Variants in VSTM2L observed in about 807,000 individuals in gnomAD.
The protein encoded by VSTM2L is V-set and transmembrane domain-containing protein 2-like protein.
In VSTM2L, 9 loss-of-function variants were observed where a neutral mutation model predicts 19.9. The ratio of observed to expected loss-of-function variants is 0.45; its 90% confidence interval spans 0.27 to 0.79. The LOEUF is 0.79. VSTM2L is among the 30% of genes least tolerant of loss of function. The pLI, the probability that VSTM2L is intolerant of heterozygous loss-of-function variation, is 0.15. For missense variants in VSTM2L, 286 were observed against 295.5 expected (o/e 0.97, Z 0.24); for synonymous variants, 127 against 133.8 (o/e 0.95, Z 0.35).
At chr20:37,908,248 T>C (rs912488858) in intron 1 of VSTM2L, among the ~76,000 whole-genome samples, 4 of 152,130 alleles carry the variant, frequency 2.6e-5, no homozygotes, top group African/African-American at 9.7e-5. Flanking sequence ...CTCCTTGCCA[T>C]GGTGACAGCA....
At chr20:37,919,466 C>T (rs2072838534) in intron 1 of VSTM2L, among the ~76,000 whole-genome samples, 1 of 152,244 alleles carries the variant, frequency 6.6e-6, no homozygotes, top group African/African-American at 2.4e-5. Flanking sequence ...GCTTTTCCAT[C>T]CTGATTATCT....
intron 3 of VSTM2L, among the ~76,000 whole-genome samples, chr20:37,941,906 T>C (rs1355953026): frequency 2.0e-5 from 3 of 151,776 alleles, no homozygotes; most frequent in African/African-American, 7.3e-5. Flanking sequence ...TTTTTTTTTT[T>C]TTTTAATCTT....
In VSTM2L at chr20:37,920,213, C is replaced by T. The variant is rs76286885; in HGVS notation, c.122-11422C>T. On this transcript the variant is annotated intron_variant, in intron 1 of 3. Coordinates refer to ENST00000373461, the MANE Select transcript of VSTM2L (RefSeq NM_080607.3). The stretch of plus-strand genomic sequence containing the variant: ...TGGGTTTGAATCCCAGCTCCTGCTC[C>T]TGACTTGCAGTGTGACCTTGTGACA... Among the ~76,000 whole-genome samples the T allele has an allele frequency of 9.4e-3, 1,434 of 152,346 alleles. 17 individuals are homozygous for T. Among genetic ancestry groups the T allele is most frequent in the African/African-American group, 0.031 (1,272 of 41,574 alleles).
intron 3 of VSTM2L, among the ~76,000 whole-genome samples, chr20:37,939,119 G>C (rs1281482023): frequency 6.6e-6 from 1 of 152,154 alleles, no homozygotes; most frequent in East Asian, 1.9e-4. Context: ...GAGTGATGAA[G>C]CTTGGCTGGG....
intron 1 of VSTM2L, among the ~76,000 whole-genome samples, chr20:37,927,739 G>A (rs2072886594): frequency 6.6e-6 from 1 of 152,174 alleles, no homozygotes; most frequent in African/African-American, 2.4e-5. Context: ...AGACTGAGTG[G>A]GGATGAATTG....
At chr20:37,927,100 G>A (rs1400452419) in intron 1 of VSTM2L, among the ~76,000 whole-genome samples, 1 of 152,142 alleles carries the variant, frequency 6.6e-6, no homozygotes, top group Non-Finnish European at 1.5e-5. Flanking sequence ...AAGTAGCTGG[G>A]ACTACAGGCA....
chr20:37,940,008 T>C (rs1223537300), intron 3 of VSTM2L, among the ~76,000 whole-genome samples: 3 of 152,056 alleles, frequency 2.0e-5, no homozygotes, highest in Non-Finnish European at 2.9e-5. Flanking sequence ...CGTGGCCCCA[T>C]CTAGGGGATG....
intron 3 of VSTM2L, among the ~76,000 whole-genome samples, chr20:37,933,989 G>C (rs541195848): frequency 1.3e-5 from 2 of 152,226 alleles, no homozygotes; most frequent in African/African-American, 4.8e-5. Context: ...CCCCGGGGAC[G>C]GGGTGGGGGC....
In VSTM2L at chr20:37,931,645, A is replaced by G. The variant is rs770133496; in HGVS notation, c.132A>G (p.Thr44=). The stretch of plus-strand genomic sequence containing the variant: ...CTGTTTCTTGCACAGCCCTGTTCAC[A>G]GAGACACCCCATGACATGACAGCAC... ...DNHVSGHALF[T]ETPHDMTART... The change falls in exon 2 of 4, where the codon ACA becomes ACG. Residue 44 remains threonine, a synonymous_variant. Coordinates refer to ENST00000373461, the MANE Select transcript of VSTM2L (RefSeq NM_080607.3). The G allele has an allele frequency of 2.2e-5, 35 of 1,612,590 alleles. No individual in the cohort carries two copies. The highest frequency in any genetic ancestry group is 3.0e-5 in the Non-Finnish European group (35 of 1,179,842).
At chr20:37,908,446 A>G (rs1156425623) in intron 1 of VSTM2L, among the ~76,000 whole-genome samples, 2 of 152,230 alleles carry the variant, frequency 1.3e-5, no homozygotes, top group Admixed American at 1.3e-4. Flanking sequence ...CCCAGGGGCA[A>G]GGGAGAATTT....
intron 1 of VSTM2L, among the ~76,000 whole-genome samples, chr20:37,921,197 A>G (rs113063710): frequency 0.014 from 2,068 of 152,264 alleles, 41 homozygotes; most frequent in African/African-American, 0.045. Flanking sequence ...GAGGAGGGAG[A>G]GTACCTTTAG....
At chr20:37,935,844 A>G (rs1486129650) in intron 3 of VSTM2L, among the ~76,000 whole-genome samples, 2 of 151,622 alleles carry the variant, frequency 1.3e-5, no homozygotes, top group Non-Finnish European at 2.9e-5. Context: ...ACACACACAG[A>G]CATACGCCCA....
chr20:37,908,291 A>G (rs2072761621), intron 1 of VSTM2L, among the ~76,000 whole-genome samples: 2 of 152,216 alleles, frequency 1.3e-5, no homozygotes, highest in South Asian at 4.1e-4. Context: ...GCGGCAAACA[A>G]GTGGGCAGGG....
rs1221333782 is a variant in VSTM2L at position 37,920,379 on chromosome 20, C to T, written c.122-11256C>T. 1.1e-4 allele frequency among the ~76,000 whole-genome samples: 17 copies of T among 152,236 alleles called. No homozygotes were observed. In the East Asian group the frequency reaches 1.3e-3, roughly 12 times the overall value. Reference sequence around the variant, plus strand: ...GGCTCCAATCAGAAAGATGATGCCACGGGGCTGCTGGGCTGGCCCGTAGCC... The same window carrying T: ...GGCTCCAATCAGAAAGATGATGCCATGGGGCTGCTGGGCTGGCCCGTAGCC... On this transcript the variant is annotated intron_variant, in intron 1 of 3. Coordinates refer to ENST00000373461, the MANE Select transcript of VSTM2L (RefSeq NM_080607.3).
chr20:37,934,701 T>C (rs2072929717), intron 3 of VSTM2L, among the ~76,000 whole-genome samples: 1 of 152,000 alleles, frequency 6.6e-6, no homozygotes, highest in Non-Finnish European at 1.5e-5. Flanking sequence ...GAGGTCACCA[T>C]GTGGAGAATG....
At chr20:37,922,807 C>G (rs577327438) in intron 1 of VSTM2L, among the ~76,000 whole-genome samples, 1 of 152,256 alleles carries the variant, frequency 6.6e-6, no homozygotes, top group Admixed American at 6.5e-5. Context: ...CTGTGGCTTG[C>G]CTGAGTCCCA....
At chr20:37,926,519 G>A (rs1301110206) in intron 1 of VSTM2L, among the ~76,000 whole-genome samples, 2 of 152,146 alleles carry the variant, frequency 1.3e-5, no homozygotes, top group East Asian at 3.9e-4. Context: ...CTAGCCTGGC[G>A]AAAGAGCAAG....
Position 37,903,395 on chromosome 20 carries a change from G to C in VSTM2L, c.45G>C (p.Leu15=). The stretch of plus-strand genomic sequence containing the variant: ...TAGCGCTGGGCGCCCTCCACTACCT[G>C]GCACTTTTCCTGCAACTCGGCGGCG... ...LAVALGALHY[L]ALFLQLGGAT... is the part of the protein sequence containing the mutation. The change falls in exon 1 of 4, where the codon CTG becomes CTC. Residue 15 remains leucine, a synonymous_variant. Transcript: ENST00000373461. 6.7e-7 allele frequency: 1 copy of C among 1,490,796 alleles called. No homozygotes were observed. Among genetic ancestry groups the C allele is most frequent in the Non-Finnish European group, 8.9e-7 (1 of 1,126,602 alleles). 92.3% of individuals were successfully genotyped at this position (1,490,796 alleles called of 1,614,324 possible). A position where few individuals can be genotyped will look rare whatever the true frequency, so the allele number is the denominator to read the frequency against.
chr20:37,940,067 G>A (rs933280096), intron 3 of VSTM2L, among the ~76,000 whole-genome samples: 1 of 151,418 alleles, frequency 6.6e-6, no homozygotes, highest in Non-Finnish European at 1.5e-5. Flanking sequence ...CCCTCCCTAG[G>A]AGCGAGTGCT....
Sources: gnomAD v4.1 joint callset for allele counts (sites outside exome capture counted in the v4.1 genomes callset) on GRCh38, gnomAD v4.1.1 for gene constraint, MANE v1.5 for transcripts, NCBI Gene and HGNC (gene_info 2026-07-23, HGNC 2026-07-21) for gene names.